Variants in DYRK1A observed in about 807,000 individuals in gnomAD.
DYRK1A encodes the protein dual specificity tyrosine-phosphorylation-regulated kinase 1A.
A neutral mutation model predicts 79.7 loss-of-function variants in DYRK1A; 9 were observed. The observed-to-expected ratio is 0.11, with a 90% CI of 0.07 to 0.20. The LOEUF is 0.20. DYRK1A is among the 10% of genes least tolerant of loss of function. The probability of loss-of-function intolerance (pLI) is 1.00; values close to 1 mark genes in which losing one functional copy is unlikely to be tolerated. For synonymous variants in DYRK1A, 349 were observed against 329.7 expected, an observed-to-expected ratio of 1.06 and a Z score of -0.63; for missense variants, 622 against 956.0, an observed-to-expected ratio of 0.65 and a Z score of 4.61.
chr21:37,428,066 C>T (rs1404315842), intron 2 of DYRK1A, among the ~76,000 whole-genome samples: 2 of 151,996 alleles, frequency 1.3e-5, no homozygotes, highest in East Asian at 3.8e-4. Context: ...CTGTGATTGA[C>T]CCAGACAGAG....
chr21:37,438,332 T>C (rs1353039270), intron 2 of DYRK1A, among the ~76,000 whole-genome samples: 1 of 152,198 alleles, frequency 6.6e-6, no homozygotes, highest in East Asian at 1.9e-4. Flanking sequence ...GCCTAATTTA[T>C]TCATTTGTTC....
intron 2 of DYRK1A, among the ~76,000 whole-genome samples, chr21:37,432,840 G>T (rs2050813912): frequency 6.6e-6 from 1 of 151,806 alleles, no homozygotes; most frequent in African/African-American, 2.4e-5. Flanking sequence ...GTCTGGTGTG[G>T]TGGTGCAAGC....
chr21:37,466,486 G>A (rs1392743600), intron 2 of DYRK1A, among the ~76,000 whole-genome samples: 1 of 152,164 alleles, frequency 6.6e-6, no homozygotes, highest in Non-Finnish European at 1.5e-5. Context: ...TTCATTTATA[G>A]ATACAGCTCA....
At chr21:37,379,678 G>A (rs939256589) in intron 1 of DYRK1A, among the ~76,000 whole-genome samples, 2 of 152,210 alleles carry the variant, frequency 1.3e-5, no homozygotes, top group Non-Finnish European at 2.9e-5. Context: ...GGAAAAGGTT[G>A]TATCATAATT....
chr21:37,457,312 A>T (rs1207318947), intron 2 of DYRK1A, among the ~76,000 whole-genome samples: 1 of 152,114 alleles, frequency 6.6e-6, no homozygotes, highest in Non-Finnish European at 1.5e-5. Flanking sequence ...GGCTCACTGC[A>T]ACCTCCACCT....
intron 1 of DYRK1A, among the ~76,000 whole-genome samples, chr21:37,417,369 T>G (rs1321874326): frequency 6.6e-6 from 1 of 151,902 alleles, no homozygotes; most frequent in Admixed American, 6.6e-5. Flanking sequence ...TTTTTTTGTA[T>G]TTTTAGTGGA....
At chr21:37,488,005 CTT>C (rs2052935080) in intron 6 of DYRK1A, 1 of 152,024 alleles carries the variant, frequency 6.6e-6, no homozygotes, top group Non-Finnish European at 1.5e-5. Flanking sequence ...TCTCCTCACT[CTT>C]GAGTATTTGC....
intron 2 of DYRK1A, among the ~76,000 whole-genome samples, chr21:37,469,875 A>G (rs1247009084): frequency 6.6e-6 from 1 of 152,152 alleles, no homozygotes. Flanking sequence ...GCTTATATGA[A>G]AACATCACGC....
At chr21:37,378,773 C>G (rs1345303710) in intron 1 of DYRK1A, among the ~76,000 whole-genome samples, 6 of 152,114 alleles carry the variant, frequency 3.9e-5, no homozygotes, top group African/African-American at 1.4e-4. Flanking sequence ...TGTGTCAATA[C>G]AGGAAAACTT....
In DYRK1A at chr21:37,524,452, T is replaced by C. The variant is rs1463112430; in HGVS notation, c.*11921T>C. The C allele has an allele frequency of 6.6e-6, 1 of 152,236 alleles. No individual in the cohort carries two copies. Among genetic ancestry groups the C allele is most frequent in the Non-Finnish European group, 1.5e-5 (1 of 68,034 alleles). The allele number at this position is 152,236 out of a possible 1,614,324, so 9.4% of individuals were successfully genotyped here. A position where few individuals can be genotyped will look rare whatever the true frequency, so the allele number is the denominator to read the frequency against. On this transcript the variant is annotated 3_prime_UTR_variant, in exon 12 of 12. Coordinates refer to ENST00000647188, the MANE Select transcript of DYRK1A (RefSeq NM_001347721.2). ...AGCTACAACCAAAGTAAGTTTCAGA[T>C]GGCTCATTTGTTAGCCAAGCAAGGA...
intron 1 of DYRK1A, among the ~76,000 whole-genome samples, chr21:37,403,663 ATGTGTG>A (rs761056038): frequency 0.057 from 6,896 of 121,480 alleles, 282 homozygotes; most frequent in East Asian, 0.14. Context: ...ATATATATAT[ATGTGTG>A]TGTGTGTGTG....
At chr21:37,447,974 CCCT>C (rs1481788517) in intron 2 of DYRK1A, among the ~76,000 whole-genome samples, 1 of 152,140 alleles carries the variant, frequency 6.6e-6, no homozygotes, top group Non-Finnish European at 1.5e-5. Context: ...TGCCGCTGTC[CCCT>C]CAATTCCCAC....
chr21:37,458,130 C>T (rs1162742721), intron 2 of DYRK1A, among the ~76,000 whole-genome samples: 2 of 152,130 alleles, frequency 1.3e-5, no homozygotes, highest in Non-Finnish European at 2.9e-5. Context: ...CATAGTATTA[C>T]AGCATTTAGA....
chr21:37,460,969 T>C (rs928827106), intron 2 of DYRK1A, among the ~76,000 whole-genome samples: 1 of 152,232 alleles, frequency 6.6e-6, no homozygotes, highest in Non-Finnish European at 1.5e-5. Context: ...CTTTTCTGTC[T>C]TCCAGATGGT....
intron 2 of DYRK1A, among the ~76,000 whole-genome samples, chr21:37,441,158 G>A (rs563581848): frequency 6.3e-4 from 96 of 152,080 alleles, no homozygotes; most frequent in African/African-American, 1.9e-3. Flanking sequence ...CTTTCATCTC[G>A]TGATATTCTT....
intron 11 of DYRK1A, among the ~76,000 whole-genome samples, chr21:37,511,471 G>A (rs2053747283): frequency 6.6e-6 from 1 of 152,180 alleles, no homozygotes; most frequent in South Asian, 2.1e-4. Flanking sequence ...CTTGCTCATG[G>A]GTTGGACAGA....
chr21:37,489,001 C>A, intron 6 of DYRK1A: 1 of 327,372 alleles, frequency 3.1e-6, no homozygotes, highest in Non-Finnish European at 4.4e-6. Flanking sequence ...TCCTATATAG[C>A]CATGTAGTTA....
At chr21:37,442,462 ATT>A (rs2051137406) in intron 2 of DYRK1A, among the ~76,000 whole-genome samples, 1 of 152,042 alleles carries the variant, frequency 6.6e-6, no homozygotes, top group Non-Finnish European at 1.5e-5. Context: ...GGTAGTTTTT[ATT>A]GCTGTGTCTT....
At chr21:37,461,679 A>G (rs966264553) in intron 2 of DYRK1A, among the ~76,000 whole-genome samples, 1 of 152,058 alleles carries the variant, frequency 6.6e-6, no homozygotes. Flanking sequence ...TTTTATTTTC[A>G]TCATTTAAAG....
Sources: allele counts gnomAD v4.1 joint callset (sites outside exome capture counted in the v4.1 genomes callset), GRCh38; gene constraint gnomAD v4.1.1; transcripts MANE v1.5; gene names NCBI Gene and HGNC (gene_info 2026-07-23, HGNC 2026-07-21).